Variants in NOD2 observed in about 807,000 individuals in gnomAD.
The protein encoded by NOD2 is nucleotide binding oligomerization domain containing 2, also known as nucleotide-binding oligomerization domain-containing protein 2.
A neutral mutation model predicts 90.9 loss-of-function variants in NOD2; 86 were observed. The observed-to-expected ratio is 0.95, with a 90% CI of 0.79 to 1.13. NOD2 has a LOEUF of 1.13. NOD2 is among the 50% of genes most tolerant of loss of function. The pLI is 0.00. For missense variants in NOD2, 1,238 were observed against 1,283.8 expected, an observed-to-expected ratio of 0.96 and a Z score of 0.55; for synonymous variants, 581 against 554.6, an observed-to-expected ratio of 1.05 and a Z score of -0.67.
chr16:50,712,187 C>T lies in NOD2; in HGVS notation c.2195C>T (p.Ala732Val). Residue 732 changes from alanine to valine, a missense_variant, in exon 4 of 12, where the codon GCA becomes GTA. Coordinates refer to ENST00000647318, the MANE Select transcript of NOD2 (RefSeq NM_001370466.1). Reference sequence around the variant, plus strand: ...GAGGAGCGGCTGGCTCGGAAGGCTGCACGTGGCCTGAATGTTGGGCACCTC... The same window carrying T: ...GAGGAGCGGCTGGCTCGGAAGGCTGTACGTGGCCTGAATGTTGGGCACCTC... ...MQEERLARKA[A>V]RGLNVGHLKL... The T allele has an allele frequency of 6.2e-7, 1 of 1,613,938 alleles. No individual in the cohort carries two copies. The highest frequency in any genetic ancestry group is 8.5e-7 in the Non-Finnish European group (1 of 1,180,052).
Position 50,722,649 on chromosome 16 carries a change from G to A in NOD2, c.2661G>A (p.Glu887=), listed in dbSNP as rs1965111710. Residue 887 remains glutamate, a synonymous_variant, in exon 8 of 12, where the codon GAG becomes GAA. Coordinates refer to ENST00000647318, the MANE Select transcript of NOD2 (RefSeq NM_001370466.1). ...TCTGGGGCAACAGAGTGGGTGACGA[G>A]GGGGCCCAGGCCCTGGCTGAAGCCT... is the stretch of plus-strand genomic sequence containing the variant. ...LGFWGNRVGD[E]GAQALAEALG... 1 of 1,614,226 alleles carries A rather than the reference G, an allele frequency of 6.2e-7. No individual in the cohort carries two copies. Among genetic ancestry groups the A allele is most frequent in the Non-Finnish European group, 8.5e-7 (1 of 1,180,036 alleles).
chr16:50,705,124 A>T (rs560255230), intron 2 of NOD2, among the ~76,000 whole-genome samples: 2 of 152,040 alleles, frequency 1.3e-5, no homozygotes, highest in Non-Finnish European at 2.9e-5. Flanking sequence ...CTACTTTTCT[A>T]TGATAGTCAC....
Position 50,699,859 on chromosome 16 carries a change from GTGGAGAACATGC to G in NOD2, c.369_380del (p.Glu123_Leu126del). The G allele has an allele frequency of 2.5e-6, 4 of 1,613,582 alleles. No homozygotes were observed. The highest frequency in any genetic ancestry group is 3.4e-6 in the Non-Finnish European group (4 of 1,180,024). ...CATTGTCAGGAGGCTCCACAGCCAT[GTGGAGAACATGC>G]TGGACCTGGCATGGGAGCGGGGTTT... On this transcript the variant is annotated inframe_deletion, in exon 2 of 12. Transcript: ENST00000647318.
chr16:50,705,707 AG>A (rs1323425298), intron 2 of NOD2, among the ~76,000 whole-genome samples: 4 of 152,106 alleles, frequency 2.6e-5, no homozygotes, highest in Non-Finnish European at 4.4e-5. Context: ...TACAGATCCT[AG>A]GGTACACACT....
chr16:50,717,129 G>A (rs1741323924), intron 6 of NOD2, among the ~76,000 whole-genome samples, 155 bp downstream of exon 6: 1 of 152,226 alleles, frequency 6.6e-6, no homozygotes, highest in Non-Finnish European at 1.5e-5. Flanking sequence ...GTTCTCTAAT[G>A]CTGTGATCTC....
At chr16:50,694,883 A>G (rs1235396801) in intron 1 of NOD2, among the ~76,000 whole-genome samples, 1 of 152,164 alleles carries the variant, frequency 6.6e-6, no homozygotes, top group African/African-American at 2.4e-5. Flanking sequence ...GGTGGCGGGA[A>G]GTACTACGAG....
Position 50,699,832 on chromosome 16 carries a change from G to A in NOD2, c.337G>A (p.Ala113Thr), listed in dbSNP as rs34684955. The A allele has an allele frequency of 1.2e-3, 1,936 of 1,613,572 alleles. 17 individuals carry two copies. The African/African-American group carries it at 0.023, about 19-fold the overall frequency. Reference protein sequence around the residue: ...PARDLQSHRPAIVRRLHSHVE... With the variant: ...PARDLQSHRPTIVRRLHSHVE... ...CCGAGACCTGCAGAGTCACCGGCCAGCCATTGTCAGGAGGCTCCACAGCCA... is the reference window on the plus strand; with the variant it reads ...CCGAGACCTGCAGAGTCACCGGCCAACCATTGTCAGGAGGCTCCACAGCCA... The change falls in exon 2 of 12, where the codon GCC becomes ACC. Residue 113 changes from alanine to threonine, a missense_variant. This residue lies in a region of NOD2 where 567 missense variants were observed against 577.3 expected (regional missense o/e 0.98). Transcript: ENST00000647318.
chr16:50,698,721 C>T (rs554255666), intron 1 of NOD2, among the ~76,000 whole-genome samples: 3 of 152,284 alleles, frequency 2.0e-5, no homozygotes, highest in Non-Finnish European at 2.9e-5. Context: ...ATCATAGGCA[C>T]TACTTCAGAG....
At chr16:50,704,809 C>A (rs148452508) in intron 2 of NOD2, among the ~76,000 whole-genome samples, 1 of 152,340 alleles carries the variant, frequency 6.6e-6, no homozygotes, top group African/African-American at 2.4e-5. Context: ...TGAGCCACCA[C>A]ACCCAGCCTC....
rs1963702914 is a variant in NOD2, at chr16:50,697,386, C to T, written c.-8-2102C>T. On this transcript the variant is annotated intron_variant, in intron 1 of 11. Coordinates refer to ENST00000647318, the MANE Select transcript of NOD2 (RefSeq NM_001370466.1). Reference sequence around the variant, plus strand: ...TTCTTTCATCCTTGGCCGCGACATGCTCCCAGGCCTGGGGTCAGATGGGGA... The same window carrying T: ...TTCTTTCATCCTTGGCCGCGACATGTTCCCAGGCCTGGGGTCAGATGGGGA... 5 of 1,385,240 alleles carry T rather than the reference C, an allele frequency of 3.6e-6. 1 individual carries two copies. The South Asian group carries it at 6.2e-5, about 17-fold the overall frequency. 85.8% of individuals were successfully genotyped at this position (1,385,240 alleles called of 1,614,324 possible).
chr16:50,709,477 G>A (rs1327761465), intron 3 of NOD2, among the ~76,000 whole-genome samples: 1 of 152,172 alleles, frequency 6.6e-6, no homozygotes, highest in Non-Finnish European at 1.5e-5. Flanking sequence ...CACAGGAAAT[G>A]GTTTGCTTGC....
chr16:50,709,673 T>C (rs1964370509), intron 3 of NOD2, among the ~76,000 whole-genome samples: 1 of 152,116 alleles, frequency 6.6e-6, no homozygotes, highest in African/African-American at 2.4e-5. Context: ...TCCACCCAGA[T>C]CAATCAGGAT....
chr16:50,702,831 G>T (rs1276851686), intron 2 of NOD2, among the ~76,000 whole-genome samples: 1 of 152,174 alleles, frequency 6.6e-6, no homozygotes, highest in Non-Finnish European at 1.5e-5. Context: ...TTGAATCCAG[G>T]CCTGTTTTCC....
intron 2 of NOD2, among the ~76,000 whole-genome samples, chr16:50,704,532 C>CTTTTT (rs71715899): frequency 5.5e-5 from 8 of 145,574 alleles, no homozygotes; most frequent in Non-Finnish European, 9.0e-5. Context: ...ATTCCAAAAC[C>CTTTTT]TTTTTTTTTT....
intron 2 of NOD2, among the ~76,000 whole-genome samples, chr16:50,703,749 G>A (rs1964051845): frequency 6.6e-6 from 1 of 152,128 alleles, no homozygotes; most frequent in Non-Finnish European, 1.5e-5. Flanking sequence ...CCCAAGGCAG[G>A]GAAAGCTAAG....
chr16:50,723,270 T>G, intron 8 of NOD2, 31 bp from the exon 9 acceptor site: 1 of 1,606,396 alleles, frequency 6.2e-7, no homozygotes, highest in Non-Finnish European at 8.5e-7. Flanking sequence ...TTCCCTGCTC[T>G]GACATACTTT....
At position 50,732,757 on chromosome 16, in the gene NOD2, C is replaced by A. The variant is rs548686827; in HGVS notation, c.*938C>A. 1 of 152,444 alleles carries A rather than the reference C, an allele frequency of 6.6e-6. No individual in the cohort carries two copies. Among genetic ancestry groups the A allele is most frequent in the East Asian group, 1.9e-4 (1 of 5,326 alleles). The allele number at this position is 152,444 out of a possible 1,614,324, so 9.4% of individuals were successfully genotyped here. Reference sequence around the variant, plus strand: ...ACAACAGACTTCTGAAATAGACCCACAAGAGGCAGTTCCATTTCATTTGTG... The same window carrying A: ...ACAACAGACTTCTGAAATAGACCCAAAAGAGGCAGTTCCATTTCATTTGTG... On this transcript the variant is annotated 3_prime_UTR_variant, in exon 12 of 12. Transcript: ENST00000647318.
At chr16:50,721,518 G>T (rs899493965) in intron 7 of NOD2, among the ~76,000 whole-genome samples, 4 of 151,678 alleles carry the variant, frequency 2.6e-5, no homozygotes, top group Non-Finnish European at 5.9e-5. Flanking sequence ...TACAGAAAGG[G>T]TCTCACTCTG....
intron 10 of NOD2, chr16:50,727,911 AT>A: frequency 3.5e-6 from 1 of 288,516 alleles, no homozygotes. Context: ...TTTGGTGCGA[AT>A]TTGCCTTTGG....
Sources: gnomAD v4.1 joint callset for allele counts (sites outside exome capture counted in the v4.1 genomes callset) on GRCh38, gnomAD v4.1.1 for gene constraint, gnomAD v4.1.1 regional missense constraint, MANE v1.5 for transcripts, NCBI Gene and HGNC (gene_info 2026-07-23, HGNC 2026-07-21) for gene names.